The following WNT3A variants were observed in gnomAD, a reference collection of about 807,000 sequenced individuals.
WNT3A encodes protein Wnt-3a.
Under a neutral mutation model 37.0 loss-of-function variants are expected in WNT3A, and 17 were observed. That is an observed-to-expected ratio of 0.46 (90% confidence interval 0.31 to 0.69). The LOEUF (loss-of-function observed/expected upper bound fraction) is 0.69, where lower values mean the gene tolerates loss of function less well. Among genes scored for constraint, WNT3A ranks in the 30% least tolerant of loss-of-function variants. WNT3A has a pLI of 0.05. For missense variants in WNT3A, 411 were observed against 510.2 expected, an observed-to-expected ratio of 0.81 and a Z score of 1.87; for synonymous variants, 187 against 211.0, an observed-to-expected ratio of 0.89 and a Z score of 0.99.
chr1:228,020,730 C>T (rs866381015), intron 1 of WNT3A, among the ~76,000 whole-genome samples: 26 of 152,134 alleles, frequency 1.7e-4, no homozygotes, highest in African/African-American at 6.0e-4. Context: ...AACAAGGGAG[C>T]CGACTGTGCA....
intron 2 of WNT3A, among the ~76,000 whole-genome samples, chr1:228,024,893 CTG>C (rs1449795597): frequency 6.6e-6 from 1 of 152,110 alleles, no homozygotes; most frequent in East Asian, 1.9e-4. Context: ...ATGGAAAAAA[CTG>C]TTCTTTTTCC....
chr1:228,059,616 A>C lies in WNT3A; in HGVS notation c.*151A>C. On this transcript the variant is annotated 3_prime_UTR_variant, in exon 4 of 4. Coordinates refer to ENST00000284523, the MANE Select transcript of WNT3A (RefSeq NM_033131.4). ...GGTGGGGCTCCTACCTGGGGGCAGA[A>C]CTCCTACCTGAAGGCAGGGCTCCTC... 4 of 1,375,066 alleles carry C rather than the reference A, an allele frequency of 2.9e-6. No homozygotes were observed. The highest frequency in any genetic ancestry group is 1.7e-5 in the South Asian group (1 of 57,658). The allele number at this position is 1,375,066 out of a possible 1,614,324, so 85.2% of individuals were successfully genotyped here.
chr1:228,014,932 G>A (rs1571792577), intron 1 of WNT3A, among the ~76,000 whole-genome samples: 1 of 152,302 alleles, frequency 6.6e-6, no homozygotes, highest in East Asian at 1.9e-4. Flanking sequence ...TAGGGACTGG[G>A]GCCATTTTAT....
chr1:228,055,171 AAAAAAAAAATATATATATAT>A lies in WNT3A; in HGVS notation c.580-3813_580-3794del, dbSNP rs2031650154. 5.5e-5 allele frequency among the ~76,000 whole-genome samples: 4 copies of A among 73,026 alleles called. No individual in the cohort carries two copies. The East Asian group carries it at 1.4e-3, about 26-fold the overall frequency. 47.9% of individuals were successfully genotyped at this position (73,026 alleles called of 152,430 possible). A position where few individuals can be genotyped will look rare whatever the true frequency, so the allele number is the denominator to read the frequency against. On this transcript the variant is annotated intron_variant, in intron 3 of 3. Coordinates refer to ENST00000284523, the MANE Select transcript of WNT3A (RefSeq NM_033131.4). ...GAAACTCCGTCCCAAAAAAAAAAAA[AAAAAAAAAATATATATATAT>A]ATATATATATATATATATATATATA...
rs541086319 is a variant in WNT3A, at chr1:228,008,046, C to T, written c.71+847C>T. ...CGAAAGGTCTCTCTCAGGCCTCCCACCTCCACTGCACATATCCTGTGGGAG... is the reference window on the plus strand; with the variant it reads ...CGAAAGGTCTCTCTCAGGCCTCCCATCTCCACTGCACATATCCTGTGGGAG... On this transcript the variant is annotated intron_variant, in intron 1 of 3. Transcript: ENST00000284523. This position sits in a 1 kb window ranked among gnomAD's most constrained non-coding sequence, Gnocchi z 4.9. Among the ~76,000 whole-genome samples the T allele has an allele frequency of 2.0e-5, 3 of 152,338 alleles. No homozygotes were observed. The highest frequency in any genetic ancestry group is 4.4e-5 in the Non-Finnish European group (3 of 68,030).
intron 1 of WNT3A, among the ~76,000 whole-genome samples, chr1:228,014,235 G>A (rs752353188): frequency 3.2e-4 from 48 of 152,164 alleles, no homozygotes; most frequent in Non-Finnish European, 5.6e-4. Flanking sequence ...AGGTAGGAGA[G>A]GGGTCCATTA....
Position 228,039,117 on chromosome 1 carries a change from G to A in WNT3A, c.314-11539G>A, listed in dbSNP as rs2031214690. On this transcript the variant is annotated intron_variant, in intron 2 of 3. Transcript: ENST00000284523. This position sits in a 1 kb window ranked among gnomAD's most constrained non-coding sequence, Gnocchi z 4.1. ...GGTGTCCAGCCAGACAGTCAGCATTGCCAGGGGAAAGAGACGAAGCCACAG... is the reference window on the plus strand; with the variant it reads ...GGTGTCCAGCCAGACAGTCAGCATTACCAGGGGAAAGAGACGAAGCCACAG... 6.6e-6 allele frequency among the ~76,000 whole-genome samples: 1 copy of A among 152,182 alleles called. No homozygotes were observed. Among genetic ancestry groups the A allele is most frequent in the African/African-American group, 2.4e-5 (1 of 41,442 alleles).
At chr1:228,017,357 G>A (rs528988437) in intron 1 of WNT3A, among the ~76,000 whole-genome samples, 12 of 152,340 alleles carry the variant, frequency 7.9e-5, no homozygotes, top group African/African-American at 2.9e-4. Flanking sequence ...CCCTTTCAGA[G>A]ACAAGAGTGC....
rs913365692 is a variant in WNT3A, at chr1:228,058,993, C to A, written c.587C>A (p.Ala196Asp). 1.2e-6 allele frequency: 2 copies of A among 1,609,666 alleles called. No homozygotes were observed. ...HNNEAGRQAI[A>D]SHMHLKCKCH... ...CCTGCGCGTGCCCCGCAGGCCATCG[C>A]CAGCCACATGCACCTCAAGTGCAAG... Residue 196 changes from alanine to aspartate, a missense_variant, in exon 4 of 4, where the codon GCC becomes GAC. Ala to Asp is a moderately radical substitution (Grantham distance 126). Coordinates refer to ENST00000284523, the MANE Select transcript of WNT3A (RefSeq NM_033131.4).
chr1:228,025,263 T>C (rs1008052950), intron 2 of WNT3A, among the ~76,000 whole-genome samples: 1 of 152,200 alleles, frequency 6.6e-6, no homozygotes, highest in East Asian at 1.9e-4. Flanking sequence ...TTGGGAAGCA[T>C]TGCCTCCTTA....
chr1:228,055,219 T>C (rs6676363), intron 3 of WNT3A, among the ~76,000 whole-genome samples: 2,117 of 98,280 alleles, frequency 0.022, 74 homozygotes, highest in African/African-American at 0.053. Flanking sequence ...TATATATATA[T>C]ACACACACAC....
intron 2 of WNT3A, among the ~76,000 whole-genome samples, chr1:228,046,945 G>T (rs898118333): frequency 6.6e-6 from 1 of 152,150 alleles, no homozygotes; most frequent in Non-Finnish European, 1.5e-5. Flanking sequence ...GTGGTGGAAG[G>T]AGGAAGCTGG....
rs200851395 is a variant in WNT3A, at chr1:228,054,729, A to AC, written c.579+3808_579+3809insC. Among the ~76,000 whole-genome samples the AC allele has an allele frequency of 5.5e-3, 841 of 151,888 alleles. 3 individuals carry two copies. The highest frequency in any genetic ancestry group is 0.019 in the African/African-American group (797 of 41,440). On this transcript the variant is annotated intron_variant, in intron 3 of 3. Coordinates refer to ENST00000284523, the MANE Select transcript of WNT3A (RefSeq NM_033131.4). ...AGTGAGTTAAACCAGAAAAAAAAAA[A>AC]AAAACACAAGTACACAGGGAATTCA...
chr1:228,047,347 G>T (rs1266033581), intron 2 of WNT3A, among the ~76,000 whole-genome samples: 1 of 152,204 alleles, frequency 6.6e-6, no homozygotes, highest in Non-Finnish European at 1.5e-5. Flanking sequence ...CAGCCAGGGG[G>T]ATGCCAGTGC....
chr1:228,016,329 A>G (rs1636196), intron 1 of WNT3A, among the ~76,000 whole-genome samples: 112,363 of 152,122 alleles, frequency 0.74, 42,361 homozygotes, highest in East Asian at 0.9. Context: ...CCCAGCACAC[A>G]TTCCCTGTGG....
chr1:228,018,918 G>A (rs1019017280), intron 1 of WNT3A, among the ~76,000 whole-genome samples: 5 of 152,206 alleles, frequency 3.3e-5, no homozygotes, highest in Non-Finnish European at 7.3e-5. Context: ...GCAATTCAAC[G>A]AACTGGAGGG....
At chr1:228,022,642 C>T (rs377074988) in intron 1 of WNT3A, 25 bp from the exon 2 acceptor site, 11 of 1,599,666 alleles carry the variant, frequency 6.9e-6, no homozygotes, top group Non-Finnish European at 8.6e-6. Flanking sequence ...GCCCCACACT[C>T]ACCACCGGAT....
Position 228,007,155 on chromosome 1 carries a change from C to G in WNT3A, c.27C>G (p.Leu9=), listed in dbSNP as rs772366201. 2 of 1,602,920 alleles carry G rather than the reference C, an allele frequency of 1.2e-6. No individual in the cohort carries two copies. Among genetic ancestry groups the G allele is most frequent in the Non-Finnish European group, 1.7e-6 (2 of 1,175,012 alleles). The change falls in exon 1 of 4, where the codon CTC becomes CTG. Residue 9 remains leucine, a synonymous_variant. Transcript: ENST00000284523. The surrounding 1 kb of genome is among the most constrained non-coding windows in gnomAD (Gnocchi z 6.0). Reference sequence around the variant, plus strand: ...TGGCCCCACTCGGATACTTCTTACTCCTCTGCAGCCTGAAGCAGGCTCTGG... The same window carrying G: ...TGGCCCCACTCGGATACTTCTTACTGCTCTGCAGCCTGAAGCAGGCTCTGG... MAPLGYFL[L]LCSLKQALGS... is the part of the protein sequence containing the mutation.
At chr1:228,018,447 G>C (rs1410065417) in intron 1 of WNT3A, among the ~76,000 whole-genome samples, 6 of 150,802 alleles carry the variant, frequency 4.0e-5, no homozygotes, top group Non-Finnish European at 7.4e-5. Context: ...CTGTCACCCA[G>C]CCTGGTGTAA....
Sources: gnomAD v4.1 joint callset for allele counts (sites outside exome capture counted in the v4.1 genomes callset) on GRCh38, gnomAD v4.1.1 for gene constraint, Gnocchi (gnomAD v3.1) non-coding constraint, MANE v1.5 for transcripts, NCBI Gene and HGNC (gene_info 2026-07-23, HGNC 2026-07-21) for gene names.